Variants in SYNE1 observed in about 807,000 individuals in gnomAD.
SYNE1 encodes nesprin-1.
A neutral mutation model predicts 1,111.0 loss-of-function variants in SYNE1; 616 were observed. That is an observed-to-expected ratio of 0.55 (90% CI 0.52 to 0.59). SYNE1 has a LOEUF of 0.59. SYNE1 is among the 20% of genes least tolerant of loss of function. SYNE1 has a pLI of 0.00. For synonymous variants in SYNE1, 3,855 were observed against 3,825.8 expected (o/e 1.01, Z -0.28); for missense variants, 10,006 against 10,417.0 (o/e 0.96, Z 1.72).
chr6:152,526,895 A>AT (rs1478768424), intron 4 of SYNE1, among the ~76,000 whole-genome samples: 1 of 152,128 alleles, frequency 6.6e-6, no homozygotes, highest in Non-Finnish European at 1.5e-5. Context: ...AGCATCTTTT[A>AT]TTTTTTTATG....
intron 131 of SYNE1, among the ~76,000 whole-genome samples, chr6:152,162,704 G>GT (rs1279628330): frequency 6.6e-6 from 1 of 152,130 alleles, no homozygotes; most frequent in Non-Finnish European, 1.5e-5. Context: ...GGAATATAGT[G>GT]TATGTTTCAA....
At position 152,515,011 on chromosome 6, in the gene SYNE1, C is replaced by T. The variant is rs113555498; in HGVS notation, c.310-3908G>A. ...CCAAGGCGGGCAGATAGCTTGAGGTCGGGAGTTCGAGACCAGCCTGGCCAA... is the reference window on the plus strand; with the variant it reads ...CCAAGGCGGGCAGATAGCTTGAGGTTGGGAGTTCGAGACCAGCCTGGCCAA... On this transcript the variant is annotated intron_variant, in intron 6 of 145. Transcript: ENST00000367255. Among the ~76,000 whole-genome samples, 307 of 152,154 alleles carry T rather than the reference C, an allele frequency of 2.0e-3. 4 individuals carry two copies. Among genetic ancestry groups the T allele is most frequent in the African/African-American group, 7.1e-3 (293 of 41,526 alleles).
Position 152,396,825 on chromosome 6 carries a change from T to C in SYNE1, c.7506A>G (p.Gln2502=). The C allele has an allele frequency of 6.2e-7, 1 of 1,614,216 alleles. No individual in the cohort carries two copies. Among genetic ancestry groups the C allele is most frequent in the Non-Finnish European group, 8.5e-7 (1 of 1,180,022 alleles). ...ANEEFQAFLK[Q]CLKDKQALQD... ...GAAGAGCCTGCTTATCTTTAAGGCA[T>C]TGTTTCAGAAATGCTTGAAACTCTT... Residue 2502 remains glutamine, a synonymous_variant, in exon 50 of 146, where the codon CAA becomes CAG. Coordinates refer to ENST00000367255, the MANE Select transcript of SYNE1 (RefSeq NM_182961.4).
intron 2 of SYNE1, among the ~76,000 whole-genome samples, chr6:152,635,204 A>G (rs1352121301): frequency 3.3e-5 from 5 of 152,268 alleles, no homozygotes; most frequent in Non-Finnish European, 5.9e-5. Flanking sequence ...AATGAGGTCA[A>G]TGAGGACAGA....
chr6:152,593,269 T>C (rs2099571952), intron 3 of SYNE1, among the ~76,000 whole-genome samples: 1 of 152,176 alleles, frequency 6.6e-6, no homozygotes, highest in South Asian at 2.1e-4. Flanking sequence ...AAAATTATAC[T>C]ACAATGAAAT....
Position 152,230,594 on chromosome 6 carries a change from G to C in SYNE1, c.21148C>G (p.Arg7050Gly), listed in dbSNP as rs763325410. The C allele has an allele frequency of 6.2e-7, 1 of 1,614,022 alleles. No homozygotes were observed. The highest frequency in any genetic ancestry group is 1.1e-5 in the South Asian group (1 of 91,070). Reference protein sequence around the residue: ...TQEKRLKQQHRIGDQASVQNA... With the variant: ...TQEKRLKQQHGIGDQASVQNA... Reference sequence around the variant, plus strand: ...TGAACAGAAGCCTGATCTCCAATTCGATGCTGTTGTTTTAGTCTCTTTTCC... The same window carrying C: ...TGAACAGAAGCCTGATCTCCAATTCCATGCTGTTGTTTTAGTCTCTTTTCC... Residue 7050 changes from arginine (R) to glycine (G), a missense_variant, in exon 115 of 146, where the codon CGA becomes GGA. Physicochemically the swap from Arg to Gly is moderately radical, Grantham distance 125 (BLOSUM62 -2). This residue lies in a region of SYNE1 where 2,182 missense variants were observed against 2,287.8 expected (regional missense o/e 0.95). Transcript: ENST00000367255.
Position 152,331,304 on chromosome 6 carries a change from C to G in SYNE1, c.13381G>C (p.Ala4461Pro), listed in dbSNP as rs1171437866. 4 of 1,614,142 alleles carry G rather than the reference C, an allele frequency of 2.5e-6. No individual in the cohort carries two copies. Among genetic ancestry groups the G allele is most frequent in the Non-Finnish European group, 3.4e-6 (4 of 1,180,026 alleles). ...ALSEKTQFLMAVFQATSQIQQ... is the reference protein window; with the variant it reads ...ALSEKTQFLMPVFQATSQIQQ... ...ATTTGGCTGGTGGCCTGGAACACTGCCATGAGAAACTGGGTTTTCTCGGAC... is the reference window on the plus strand; with the variant it reads ...ATTTGGCTGGTGGCCTGGAACACTGGCATGAGAAACTGGGTTTTCTCGGAC... The change falls in exon 78 of 146, where the codon GCA becomes CCA. Residue 4461 changes from alanine (A) to proline (P), a missense_variant. Physicochemically the swap from Ala to Pro is conservative, Grantham distance 27. This residue lies in a region of SYNE1 where 4,955 missense variants were observed against 5,017.2 expected (regional missense o/e 0.99). Coordinates refer to ENST00000367255, the MANE Select transcript of SYNE1 (RefSeq NM_182961.4).
intron 53 of SYNE1, among the ~76,000 whole-genome samples, chr6:152,389,708 T>C (rs2097578351): frequency 1.3e-5 from 2 of 152,200 alleles, no homozygotes; most frequent in Admixed American, 1.3e-4. Flanking sequence ...ACGGCTGGGC[T>C]CTATTCTGGA....
intron 59 of SYNE1, among the ~76,000 whole-genome samples, chr6:152,372,178 G>A (rs936199574): frequency 9.2e-5 from 14 of 152,234 alleles, no homozygotes; most frequent in African/African-American, 1.2e-4. Flanking sequence ...TAGCATTAAC[G>A]ATCCCTGAAG....
At chr6:152,455,684 G>C in intron 23 of SYNE1, 94 bp from the exon 24 acceptor site, 1 of 1,531,482 alleles carries the variant, frequency 6.5e-7, no homozygotes, top group South Asian at 1.1e-5. Flanking sequence ...AAAGCACTTG[G>C]AAAAAAGACA....
chr6:152,487,056 C>T (rs9371602), intron 12 of SYNE1, among the ~76,000 whole-genome samples: 40,161 of 151,958 alleles, frequency 0.26, 5,929 homozygotes, highest in East Asian at 0.46. Context: ...TATTTTTTCT[C>T]CAACTTTTAT....
At chr6:152,216,713 A>G (rs1474302757) in intron 121 of SYNE1, among the ~76,000 whole-genome samples, 3 of 152,110 alleles carry the variant, frequency 2.0e-5, no homozygotes, top group Admixed American at 2.0e-4. Context: ...ATACAATAAA[A>G]TTTTCATGCC....
At chr6:152,416,352 AAAG>A in intron 41 of SYNE1, 32 bp downstream of exon 41, 1 of 1,611,658 alleles carries the variant, frequency 6.2e-7, no homozygotes, top group Non-Finnish European at 8.5e-7. Context: ...ATACAAAAGA[AAAG>A]AGACAAGTGG....
At chr6:152,135,372 G>A in intron 141 of SYNE1, 140 bp from the exon 142 acceptor site, 1 of 919,164 alleles carries the variant, frequency 1.1e-6, no homozygotes, top group Non-Finnish European at 1.7e-6. Flanking sequence ...GAAGGCACTG[G>A]TGCTGTTGTA....
In SYNE1 at chr6:152,364,857, G is replaced by C. The variant is rs200410901; in HGVS notation, c.10135C>G (p.Arg3379Gly). 3 of 1,613,932 alleles carry C rather than the reference G, an allele frequency of 1.9e-6. No homozygotes were observed. The highest frequency in any genetic ancestry group is 1.3e-5 in the African/African-American group (1 of 74,880). Residue 3379 changes from arginine (R) to glycine (G), a missense_variant, in exon 63 of 146, where the codon CGT becomes GGT. Coordinates refer to ENST00000367255, the MANE Select transcript of SYNE1 (RefSeq NM_182961.4). Reference sequence around the variant, plus strand: ...TGTAGTTTCCCTCACCTTTTACAACGAATCCCTGCAGACAAAAGGGATGCC... The same window carrying C: ...TGTAGTTTCCCTCACCTTTTACAACCAATCCCTGCAGACAAAAGGGATGCC... ...MWASLLSAGI[R>G]CKSQLEGALS...
At chr6:152,158,922 G>A (rs951854666) in intron 131 of SYNE1, among the ~76,000 whole-genome samples, 5 of 152,126 alleles carry the variant, frequency 3.3e-5, no homozygotes, top group Non-Finnish European at 7.4e-5. Context: ...ATACATAAGT[G>A]CCCTAAGACA....
At position 152,318,910 on chromosome 6, in the gene SYNE1, G is replaced by T. The variant is rs140489126; in HGVS notation, c.16342C>A (p.Leu5448Met). The change falls in exon 85 of 146, where the codon CTG becomes ATG. Residue 5448 changes from leucine to methionine, a missense_variant. By Grantham distance (15) the Leu-to-Met change is conservative. Transcript: ENST00000367255. ...ACTACATTATCTGTCTTCGCTTTCA[G>T]CTTAGTTAGAATAGTTGTGAGGTCT... The part of the protein sequence containing the change: ...AKDLTTILTK[L>M]KAKTDNVVQA... 1.1e-5 allele frequency: 17 copies of T among 1,614,056 alleles called. No individual in the cohort carries two copies. In the African/African-American group the frequency reaches 2.1e-4, roughly 20 times the overall value.
chr6:152,431,380 T>C (rs565279641), intron 34 of SYNE1, among the ~76,000 whole-genome samples: 1 of 152,322 alleles, frequency 6.6e-6, no homozygotes, highest in Non-Finnish European at 1.5e-5. Flanking sequence ...CTCATTGCTA[T>C]GTACTTGACA....
chr6:152,299,373 A>G (rs1337547298), intron 93 of SYNE1, among the ~76,000 whole-genome samples: 2 of 152,236 alleles, frequency 1.3e-5, no homozygotes, highest in Non-Finnish European at 2.9e-5. Context: ...GAGAATTTGA[A>G]AAACACTTTC....
Sources: gnomAD v4.1 joint callset for allele counts (sites outside exome capture counted in the v4.1 genomes callset) on GRCh38, gnomAD v4.1.1 for gene constraint, gnomAD v4.1.1 regional missense constraint, MANE v1.5 for transcripts, NCBI Gene and HGNC (gene_info 2026-07-23, HGNC 2026-07-21) for gene names.